Variants in CPM observed in about 807,000 individuals in gnomAD.
The protein encoded by CPM is renal carboxypeptidase.
In CPM, 35 loss-of-function variants were observed where a neutral mutation model predicts 46.4. That is an observed-to-expected ratio of 0.75 (90% CI 0.58 to 1.00). CPM has a LOEUF of 1.00. Among genes scored for constraint, CPM ranks in the 50% least tolerant of loss-of-function variants. The pLI, the probability that CPM is intolerant of heterozygous loss-of-function variation, is 0.00. For missense variants in CPM, 422 were observed against 530.4 expected (o/e 0.80, Z 2.01); for synonymous variants, 195 against 195.3 (o/e 1.00, Z 0.01).
chr12:68,857,149 CTTTCT>C (rs1226933183), intron 8 of CPM, among the ~76,000 whole-genome samples: 1 of 150,204 alleles, frequency 6.7e-6, no homozygotes, highest in Admixed American at 6.7e-5. Flanking sequence ...GCTTTTCTTT[CTTTCT>C]TTTCTTTTTT....
upstream of CPM, among the ~76,000 whole-genome samples, chr12:68,936,436 T>G (rs1400319119): frequency 6.6e-6 from 1 of 152,110 alleles, no homozygotes; most frequent in Non-Finnish European, 1.5e-5. Context: ...CAGGCTGGAG[T>G]GCAGTGGCAC....
At chr12:68,939,660 A>C (rs1888731186) in intron 1 of CPM, among the ~76,000 whole-genome samples, 1 of 152,098 alleles carries the variant, frequency 6.6e-6, no homozygotes, top group South Asian at 2.1e-4. Context: ...AATTCACCTT[A>C]GATGGACTGG....
chr12:68,952,396 C>G (rs936805350), intron 1 of CPM, among the ~76,000 whole-genome samples: 1 of 152,312 alleles, frequency 6.6e-6, no homozygotes, highest in South Asian at 2.1e-4. Flanking sequence ...GAGAGTCTAG[C>G]CTGAACTTTC....
chr12:68,898,156 G>T (rs946077576), intron 2 of CPM, among the ~76,000 whole-genome samples: 1 of 151,728 alleles, frequency 6.6e-6, no homozygotes, highest in African/African-American at 2.4e-5. Context: ...GCCTGGCCTG[G>T]TGTTCTTATT....
intron 1 of CPM, among the ~76,000 whole-genome samples, chr12:68,950,496 T>G (rs1888916440): frequency 6.6e-6 from 1 of 152,154 alleles, no homozygotes; most frequent in Non-Finnish European, 1.5e-5. Flanking sequence ...CCAGCATGGT[T>G]GTGGATTGAT....
At chr12:68,909,619 A>G (rs1202338550) in intron 2 of CPM, among the ~76,000 whole-genome samples, 1 of 152,146 alleles carries the variant, frequency 6.6e-6, no homozygotes, top group East Asian at 1.9e-4. Context: ...GGATTAAGAA[A>G]ATGTGGCACA....
intron 2 of CPM, among the ~76,000 whole-genome samples, chr12:68,928,790 A>AT (rs1888378197): frequency 6.6e-6 from 1 of 150,510 alleles, no homozygotes; most frequent in African/African-American, 2.5e-5. Flanking sequence ...GCCAGGCTGG[A>AT]GTACGGTGGC....
At chr12:68,939,106 A>G (rs1220661085) in intron 1 of CPM, among the ~76,000 whole-genome samples, 3 of 146,062 alleles carry the variant, frequency 2.1e-5, no homozygotes, top group South Asian at 2.1e-4. Context: ...CTATATATAC[A>G]TTTACTACAT....
intron 2 of CPM, among the ~76,000 whole-genome samples, chr12:68,916,766 G>A (rs1388957012): frequency 6.6e-6 from 1 of 151,774 alleles, no homozygotes; most frequent in Non-Finnish European, 1.5e-5. Context: ...GCACACCCCT[G>A]TAATCCCAGC....
At chr12:68,850,849 T>A (rs1301985004), downstream of CPM, among the ~76,000 whole-genome samples, 2 of 152,186 alleles carry the variant, frequency 1.3e-5, no homozygotes, top group Non-Finnish European at 2.9e-5. Context: ...TTTATTACAT[T>A]AATATAAATT....
intron 3 of CPM, among the ~76,000 whole-genome samples, chr12:68,880,105 T>TAA (rs11433305): frequency 4.5e-4 from 67 of 149,364 alleles, no homozygotes; most frequent in Middle Eastern, 6.8e-3. Flanking sequence ...CCCTTCCAAT[T>TAA]AAAAAAAAAA....
In CPM at chr12:68,949,286, G is replaced by A. The variant is rs139022933; in HGVS notation, c.-4+13883C>T. ...CTCAGGGGGCTGAGGCAAGAGGATC[G>A]CTTGAGCCCGGGAGGTCAAGGCTGC... On this transcript the variant is annotated intron_variant, in intron 1 of 8. Coordinates refer to the CPM transcript ENST00000546373. Among the ~76,000 whole-genome samples the A allele has an allele frequency of 3.6e-3, 545 of 152,298 alleles. 6 individuals are homozygous for A. Among genetic ancestry groups the A allele is most frequent in the African/African-American group, 0.012 (513 of 41,558 alleles).
chr12:68,856,506 G>A lies in CPM; in HGVS notation c.1263C>T (p.Asp421=), dbSNP rs1565763336. 1 of 1,614,174 alleles carries A rather than the reference G, an allele frequency of 6.2e-7. No individual in the cohort carries two copies. The highest frequency in any genetic ancestry group is 8.5e-7 in the Non-Finnish European group (1 of 1,179,992). ...AACTAGGCTTTGTTGCAGCTGAGTG[G>A]TCTGGCAAATTTCTGTATAGAGGAA... ...PMIPLYRNLP[D]HSAATKPSLF... is the part of the protein sequence containing the mutation. The change falls in exon 9 of 9, where the codon GAC becomes GAT. Residue 421 remains aspartate, a synonymous_variant. Coordinates refer to ENST00000551568, the MANE Select transcript of CPM (RefSeq NM_198320.5).
At chr12:68,908,624 T>C (rs913092362) in intron 2 of CPM, among the ~76,000 whole-genome samples, 15 of 152,072 alleles carry the variant, frequency 9.9e-5, no homozygotes, top group African/African-American at 3.6e-4. Context: ...TTCCCAAAAA[T>C]AGATTCCAGA....
chr12:68,935,464 C>T (rs1888659060), upstream of CPM, among the ~76,000 whole-genome samples: 1 of 150,384 alleles, frequency 6.6e-6, no homozygotes, highest in Non-Finnish European at 1.5e-5. Flanking sequence ...CTAACTTCTG[C>T]ATTTTTAATA....
At chr12:68,957,706 T>C (rs1000961542) in intron 1 of CPM, 1 of 149,844 alleles carries the variant, frequency 6.7e-6, no homozygotes, top group Non-Finnish European at 1.5e-5. Flanking sequence ...ATTATTATTA[T>C]TATACTTTAA....
At chr12:68,962,060 C>T (rs935704114) in intron 1 of CPM, among the ~76,000 whole-genome samples, 3 of 151,774 alleles carry the variant, frequency 2.0e-5, no homozygotes, top group Admixed American at 6.6e-5. Flanking sequence ...ATTAGCCGGG[C>T]ACGGTGGTGG....
At chr12:68,939,950 T>C (rs1888735474) in intron 1 of CPM, among the ~76,000 whole-genome samples, 1 of 152,098 alleles carries the variant, frequency 6.6e-6, no homozygotes. Context: ...TTTTAAAAAA[T>C]AGTCTATTAA....
chr12:68,867,824 T>C (rs1320071933), intron 6 of CPM, among the ~76,000 whole-genome samples: 1 of 152,206 alleles, frequency 6.6e-6, no homozygotes, highest in Admixed American at 6.5e-5. Context: ...TCTGGTCCCT[T>C]ACTTTCAAAG....
Sources: gnomAD v4.1 joint callset for allele counts (sites outside exome capture counted in the v4.1 genomes callset) on GRCh38, gnomAD v4.1.1 for gene constraint, MANE v1.5 for transcripts, NCBI Gene and HGNC (gene_info 2026-07-23, HGNC 2026-07-21) for gene names.